Variants in SASH1 observed in about 807,000 individuals in gnomAD.
SASH1 encodes the protein SAM and SH3 domain containing 1.
Under a neutral mutation model 125.2 loss-of-function variants are expected in SASH1, and 44 were observed. The observed-to-expected ratio is 0.35, with a 90% CI of 0.28 to 0.45. SASH1 has a LOEUF of 0.45. SASH1 is among the 20% of genes least tolerant of loss of function. SASH1 has a pLI of 1.00. For synonymous variants in SASH1, 639 were observed against 649.1 expected, an observed-to-expected ratio of 0.98 and a Z score of 0.24; for missense variants, 1,426 against 1,614.5, an observed-to-expected ratio of 0.88 and a Z score of 2.00.
At chr6:148,432,576 C>T (rs1339491853) in intron 2 of SASH1, among the ~76,000 whole-genome samples, 1 of 152,216 alleles carries the variant, frequency 6.6e-6, no homozygotes, top group Non-Finnish European at 1.5e-5. Context: ...GCTTTTTCCA[C>T]CTCCTCCTTC....
chr6:148,308,895 C>T (rs1429646615), intron 1 of SASH1, among the ~76,000 whole-genome samples: 2 of 150,802 alleles, frequency 1.3e-5, no homozygotes, highest in Non-Finnish European at 3.0e-5. Flanking sequence ...ACCAGCCTGA[C>T]CAACGTGGCA....
the SASH1 span, among the ~76,000 whole-genome samples, chr6:148,266,143 T>G: frequency 2.0e-5 from 3 of 152,214 alleles, no homozygotes; most frequent in East Asian, 5.8e-4. Flanking sequence ...CAGCTAATTT[T>G]TTGTATTTTT....
At chr6:148,221,610 A>G in the SASH1 span, among the ~76,000 whole-genome samples, 1,389 of 152,326 alleles carry the variant, frequency 9.1e-3, 22 homozygotes, top group African/African-American at 0.032. Flanking sequence ...ACTTTAAGGC[A>G]GGAGGAAGGT....
chr6:148,326,891 C>T (rs1050379276), intron 1 of SASH1, among the ~76,000 whole-genome samples: 3 of 152,188 alleles, frequency 2.0e-5, no homozygotes, highest in Non-Finnish European at 4.4e-5. Context: ...CTCATTACTG[C>T]TTCCTACCTC....
intron 1 of SASH1, among the ~76,000 whole-genome samples, chr6:148,329,258 C>A (rs2493910): frequency 0.91 from 138,781 of 152,266 alleles, 63,273 homozygotes; most frequent in Middle Eastern, 0.94. Flanking sequence ...TAGACAATCC[C>A]TTTAAAAAAG....
chr6:148,509,252 C>T (rs764226450), intron 8 of SASH1: 6 of 233,852 alleles, frequency 2.6e-5, no homozygotes, highest in Non-Finnish European at 2.6e-5. Flanking sequence ...TTAAGATTAA[C>T]GCTGTGACAC....
chr6:148,457,333 C>T (rs1777409474), intron 4 of SASH1, among the ~76,000 whole-genome samples: 1 of 152,064 alleles, frequency 6.6e-6, no homozygotes, highest in Non-Finnish European at 1.5e-5. Context: ...TTTTGGCTTT[C>T]GGCTCACAGT....
intron 4 of SASH1, among the ~76,000 whole-genome samples, chr6:148,448,778 C>T (rs918790346): frequency 1.3e-5 from 2 of 152,158 alleles, no homozygotes; most frequent in African/African-American, 4.8e-5. Flanking sequence ...AATGCCTGCT[C>T]ACTAATATCT....
chr6:148,248,599 C>T, the SASH1 span, among the ~76,000 whole-genome samples: 1 of 152,138 alleles, frequency 6.6e-6, no homozygotes, highest in South Asian at 2.1e-4. Flanking sequence ...ACTTAATTTT[C>T]CACAAATTTC....
intron 1 of SASH1, among the ~76,000 whole-genome samples, chr6:148,359,298 A>G (rs905423277): frequency 6.7e-6 from 1 of 148,796 alleles, no homozygotes; most frequent in Admixed American, 6.7e-5. Flanking sequence ...AGCTGGGATT[A>G]CAGGCATGAG....
the SASH1 span, among the ~76,000 whole-genome samples, chr6:148,208,482 T>G: frequency 6.6e-6 from 1 of 152,168 alleles, no homozygotes; most frequent in Non-Finnish European, 1.5e-5. Context: ...ATAGCAGAAC[T>G]GTTATTGTGA....
chr6:148,512,929 A>G (rs2115322930), intron 8 of SASH1: 1 of 985,416 alleles, frequency 1.0e-6, no homozygotes, highest in Non-Finnish European at 1.2e-6. Flanking sequence ...AGAAAGTACC[A>G]TGGCTCCATG....
chr6:148,322,449 T>G (rs909884729), intron 1 of SASH1, among the ~76,000 whole-genome samples: 12 of 152,226 alleles, frequency 7.9e-5, no homozygotes, highest in Admixed American at 2.6e-4. Context: ...TGCTCAACTC[T>G]TTCACATTCT....
intron 2 of SASH1, among the ~76,000 whole-genome samples, chr6:148,395,933 T>C (rs377494048): frequency 6.6e-6 from 1 of 152,164 alleles, no homozygotes; most frequent in African/African-American, 2.4e-5. Context: ...TGTGTGGGTA[T>C]TGGCAGAAAA....
In SASH1 at chr6:148,301,124, C is replaced by T. The variant is rs1359718044; in HGVS notation, n.74+28747C>T. On this transcript the variant is annotated intron_variant and non_coding_transcript_variant, in intron 1 of 3. Transcript: ENST00000367469. The stretch of plus-strand genomic sequence containing the variant: ...AGCAGATAAACTGCAGTCGGGAGTT[C>T]GAGTCCAGCCTGACCAACATGGAGA... Among the ~76,000 whole-genome samples, 5 of 151,610 alleles carry T rather than the reference C, an allele frequency of 3.3e-5. No homozygotes were observed. The East Asian group carries it at 9.9e-4, about 30-fold the overall frequency.
intron 4 of SASH1, among the ~76,000 whole-genome samples, chr6:148,461,368 A>G (rs1777605357): frequency 6.6e-6 from 1 of 152,294 alleles, no homozygotes; most frequent in Non-Finnish European, 1.5e-5. Flanking sequence ...AAAAACCTGT[A>G]TGGGGATTGT....
intron 4 of SASH1, among the ~76,000 whole-genome samples, chr6:148,462,618 TC>T (rs1014484525): frequency 1.3e-5 from 2 of 152,206 alleles, no homozygotes; most frequent in African/African-American, 4.8e-5. Context: ...TTCTGATACT[TC>T]CATAGACCAT....
intron 1 of SASH1, among the ~76,000 whole-genome samples, chr6:148,319,836 A>T (rs1230513094): frequency 6.6e-6 from 1 of 152,170 alleles, no homozygotes; most frequent in Non-Finnish European, 1.5e-5. Flanking sequence ...TTTAAATTGC[A>T]CGCCATTCTG....
chr6:148,418,167 T>C (rs1207271632), intron 2 of SASH1, among the ~76,000 whole-genome samples: 4 of 152,230 alleles, frequency 2.6e-5, no homozygotes, highest in Non-Finnish European at 5.9e-5. Flanking sequence ...TGACAACATC[T>C]AGGTGTAAAT....
Sources: allele counts gnomAD v4.1 joint callset (sites outside exome capture counted in the v4.1 genomes callset), GRCh38; gene constraint gnomAD v4.1.1; transcripts MANE v1.5; gene names NCBI Gene and HGNC (gene_info 2026-07-23, HGNC 2026-07-21).